Variants in BMP8A observed in about 807,000 individuals in gnomAD.
BMP8A encodes the protein BMP-8A.
BMP8A carries 14 observed loss-of-function variants against 36.8 expected under a neutral mutation model. That is an observed-to-expected ratio of 0.38 (90% CI 0.25 to 0.60). BMP8A has a LOEUF of 0.60. Ranked by LOEUF, BMP8A falls within the 20% of genes least tolerant of loss-of-function variation. BMP8A has a pLI of 0.63. For synonymous variants in BMP8A, 120 were observed against 237.7 expected (o/e 0.50, Z 4.55); for missense variants, 267 against 551.1 (o/e 0.48, Z 5.16).
chr1:39,507,223 A>T (rs1645309680), intron 1 of BMP8A, among the ~76,000 whole-genome samples: 1 of 152,226 alleles, frequency 6.6e-6, no homozygotes, highest in Non-Finnish European at 1.5e-5. Context: ...CATCTCCCTC[A>T]TGGGCCCCCC....
chr1:39,503,547 C>A (rs971380860), intron 1 of BMP8A, among the ~76,000 whole-genome samples: 1 of 123,536 alleles, frequency 8.1e-6, no homozygotes, highest in Non-Finnish European at 1.6e-5. Flanking sequence ...GATGGAGTCT[C>A]GCTCTCTCCC....
At position 39,529,856 on chromosome 1, in the gene BMP8A, C is replaced by A. The variant is rs144849240; in HGVS notation, c.*4058C>A. 1.6e-4 allele frequency among the ~76,000 whole-genome samples: 24 copies of A among 152,332 alleles called. 1 individual carries two copies. The East Asian group carries it at 4.4e-3, about 28-fold the overall frequency. ...TTGAAAGTTTCTGTGATTAAATGTT[C>A]TTTGAAAACATAACTTTTAGCAGCC... On this transcript the variant is annotated 3_prime_UTR_variant, in exon 7 of 7. Coordinates refer to ENST00000331593, the MANE Select transcript of BMP8A (RefSeq NM_181809.4).
At position 39,503,309 on chromosome 1, in the gene BMP8A, C is replaced by T. The variant is rs562797885; in HGVS notation, c.335-7865C>T. On this transcript the variant is annotated intron_variant, in intron 1 of 6. Coordinates refer to ENST00000331593, the MANE Select transcript of BMP8A (RefSeq NM_181809.4). ...CTTGAGCCCTGGGAGGTTGAAGTTGCGTCACTGCACTGCAGCCTAGGTGAC... is the reference window on the plus strand; with the variant it reads ...CTTGAGCCCTGGGAGGTTGAAGTTGTGTCACTGCACTGCAGCCTAGGTGAC... 7.3e-5 allele frequency among the ~76,000 whole-genome samples: 11 copies of T among 151,624 alleles called. No individual in the cohort carries two copies. The South Asian group carries it at 2.1e-3, about 29-fold the overall frequency.
chr1:39,522,944 T>C, intron 5 of BMP8A, 63 bp from the exon 6 acceptor site: 1 of 1,437,984 alleles, frequency 7.0e-7, no homozygotes, highest in African/African-American at 1.4e-5. Context: ...GGAGGATGGG[T>C]TTGGGCCCTG....
intron 1 of BMP8A, among the ~76,000 whole-genome samples, chr1:39,493,508 G>A (rs1202954398): frequency 3.3e-5 from 5 of 152,224 alleles, no homozygotes; most frequent in African/African-American, 1.2e-4. Context: ...TGAGGAGTCT[G>A]GGCTGAGGAA....
In BMP8A at chr1:39,522,435, TGCCGTCG is replaced by T; in HGVS notation, c.904_910del (p.Arg302ThrfsTer39). The T allele has an allele frequency of 6.2e-7, 1 of 1,613,132 alleles. No individual in the cohort carries two copies. The highest frequency in any genetic ancestry group is 8.5e-7 in the Non-Finnish European group (1 of 1,179,586). On this transcript the variant is annotated frameshift_variant, in exon 5 of 7. Transcript: ENST00000331593. LOFTEE classifies it high-confidence loss of function. ...CCGCGGCTCCCACGGCCGGCAGGTCTGCCGTCGGCACGAGCTCTACGTCAGCTTCCAG... is the reference window on the plus strand; with the variant it reads ...CCGCGGCTCCCACGGCCGGCAGGTCTGCACGAGCTCTACGTCAGCTTCCAG...
chr1:39,509,526 A>G (rs997907667), intron 1 of BMP8A, among the ~76,000 whole-genome samples: 2 of 152,128 alleles, frequency 1.3e-5, no homozygotes, highest in Non-Finnish European at 1.5e-5. Flanking sequence ...CAGCACCCTC[A>G]GGTGCTGTGG....
Position 39,528,638 on chromosome 1 carries a change from G to A in BMP8A, c.*2840G>A, listed in dbSNP as rs1219715651. 6.6e-6 allele frequency among the ~76,000 whole-genome samples: 1 copy of A among 151,864 alleles called. No individual in the cohort carries two copies. Among genetic ancestry groups the A allele is most frequent in the Non-Finnish European group, 1.5e-5 (1 of 68,020 alleles). On this transcript the variant is annotated 3_prime_UTR_variant, in exon 7 of 7. Transcript: ENST00000331593. ...TCCCTATTATTTCACAGGAAAGGAG[G>A]CTGTGAAAAGGAGAGGGCAGGTTTT...
chr1:39,528,679 T>C lies in BMP8A; in HGVS notation c.*2881T>C, dbSNP rs1396103166. Reference sequence around the variant, plus strand: ...GGCAGGTTTTGGAGCCAAGTCGACCTGGCATCAGGTCCTGGCTGCCTTTTT... The same window carrying C: ...GGCAGGTTTTGGAGCCAAGTCGACCCGGCATCAGGTCCTGGCTGCCTTTTT... On this transcript the variant is annotated 3_prime_UTR_variant, in exon 7 of 7. Coordinates refer to ENST00000331593, the MANE Select transcript of BMP8A (RefSeq NM_181809.4). 6.7e-6 allele frequency among the ~76,000 whole-genome samples: 1 copy of C among 150,122 alleles called. No homozygotes were observed. Among genetic ancestry groups the C allele is most frequent in the Admixed American group, 6.6e-5 (1 of 15,072 alleles).
chr1:39,494,522 TA>T (rs1190091109), intron 1 of BMP8A, among the ~76,000 whole-genome samples: 1 of 151,942 alleles, frequency 6.6e-6, no homozygotes, highest in Non-Finnish European at 1.5e-5. Context: ...AGATAATTTT[TA>T]AATATTTCTT....
chr1:39,492,034 T>C lies in BMP8A; in HGVS notation c.43T>C (p.Leu15=), dbSNP rs1645162861. The C allele has an allele frequency of 1.8e-6, 2 of 1,096,026 alleles. No homozygotes were observed. The highest frequency in any genetic ancestry group is 5.8e-5 in the East Asian group (1 of 17,200). 67.9% of individuals were successfully genotyped at this position (1,096,026 alleles called of 1,614,324 possible). A position where few individuals can be genotyped will look rare whatever the true frequency, so the allele number is the denominator to read the frequency against. ...PGPLWLLGLT[L]CALGGGGPGL... ...ACCGCTCTGGCTTCTGGGCCTGACG[T>C]TGTGCGCGCTGGGCGGGGGCGGCCC... The change falls in exon 1 of 7, where the codon TTG becomes CTG. Residue 15 remains leucine, a synonymous_variant. Coordinates refer to ENST00000331593, the MANE Select transcript of BMP8A (RefSeq NM_181809.4).
rs1645515610 is a variant in BMP8A at position 39,529,587 on chromosome 1, A to AT, written c.*3795dup. On this transcript the variant is annotated 3_prime_UTR_variant, in exon 7 of 7. Coordinates refer to ENST00000331593, the MANE Select transcript of BMP8A (RefSeq NM_181809.4). The stretch of plus-strand genomic sequence containing the variant: ...CTCCACCCCCTGCTTTTTAAAAAAA[A>AT]TTTTTTCTCACGTAAGAAAATGTTA... 6.6e-6 allele frequency among the ~76,000 whole-genome samples: 1 copy of AT among 152,162 alleles called. No homozygotes were observed. Among genetic ancestry groups the AT allele is most frequent in the Non-Finnish European group, 1.5e-5 (1 of 68,040 alleles).
rs1285880971 is a variant in BMP8A at position 39,524,949 on chromosome 1, GC to G, written c.1060-698del. The stretch of plus-strand genomic sequence containing the variant: ...GGAGGCGAAAGGAGTCATCCAGGAG[GC>G]CTCCCAGGCGGGAGCTATGATGTCA... On this transcript the variant is annotated intron_variant, in intron 6 of 6. Coordinates refer to ENST00000331593, the MANE Select transcript of BMP8A (RefSeq NM_181809.4). The surrounding 1 kb of genome is among the most constrained non-coding windows in gnomAD (Gnocchi z 4.0). The G allele has an allele frequency of 2.0e-5, 3 of 152,708 alleles. No homozygotes were observed. Among genetic ancestry groups the G allele is most frequent in the African/African-American group, 7.2e-5 (3 of 41,578 alleles). The allele number at this position is 152,708 out of a possible 1,614,324, so 9.5% of individuals were successfully genotyped here. A position where few individuals can be genotyped will look rare whatever the true frequency, so the allele number is the denominator to read the frequency against.
intron 1 of BMP8A, among the ~76,000 whole-genome samples, chr1:39,510,142 G>A (rs1228455695): frequency 7.0e-6 from 1 of 142,868 alleles, no homozygotes; most frequent in Non-Finnish European, 1.5e-5. Context: ...CTGGCCAGAG[G>A]CGCAGCCCAG....
At chr1:39,516,819 T>C (rs1645398107) in intron 3 of BMP8A, among the ~76,000 whole-genome samples, 1 of 151,980 alleles carries the variant, frequency 6.6e-6, no homozygotes, top group African/African-American at 2.4e-5. Flanking sequence ...TCCCTCGTAC[T>C]TGAACCATGA....
intron 1 of BMP8A, among the ~76,000 whole-genome samples, chr1:39,492,937 C>T (rs534346399): frequency 3.3e-5 from 5 of 152,154 alleles, no homozygotes; most frequent in Admixed American, 3.3e-4. Flanking sequence ...GGTGAGTGTC[C>T]GGTCCTGTGG....
At chr1:39,496,155 C>T (rs908673661) in intron 1 of BMP8A, among the ~76,000 whole-genome samples, 1 of 132,176 alleles carries the variant, frequency 7.6e-6, no homozygotes, top group African/African-American at 2.7e-5. Flanking sequence ...GGACCTCTTT[C>T]ATTTTCCCAT....
At chr1:39,496,726 T>C (rs750932760) in intron 1 of BMP8A, among the ~76,000 whole-genome samples, 1 of 152,170 alleles carries the variant, frequency 6.6e-6, no homozygotes, top group Non-Finnish European at 1.5e-5. Context: ...CCTGCCTCCA[T>C]GTGAAACACA....
chr1:39,529,468 G>A lies in BMP8A; in HGVS notation c.*3670G>A, dbSNP rs1237421621. On this transcript the variant is annotated 3_prime_UTR_variant, in exon 7 of 7. Transcript: ENST00000331593. The stretch of plus-strand genomic sequence containing the variant: ...CTGCCCTGGCCCCGTAGTGAGTGTG[G>A]GGCCCACCTGTGCCCTCATGGGCAG... Among the ~76,000 whole-genome samples the A allele has an allele frequency of 6.6e-6, 1 of 152,218 alleles. No individual in the cohort carries two copies. The highest frequency in any genetic ancestry group is 1.5e-5 in the Non-Finnish European group (1 of 68,040).
Sources: gnomAD v4.1 joint callset for allele counts (sites outside exome capture counted in the v4.1 genomes callset) on GRCh38, gnomAD v4.1.1 for gene constraint, Gnocchi (gnomAD v3.1) non-coding constraint, MANE v1.5 for transcripts, NCBI Gene and HGNC (gene_info 2026-07-23, HGNC 2026-07-21) for gene names.